USP1: variants seen among roughly 807,000 people sequenced by gnomAD.
USP1 encodes the protein ubiquitin specific peptidase 1.
Under a neutral mutation model 72.2 loss-of-function variants are expected in USP1, and 18 were observed. That is an observed-to-expected ratio of 0.25 (90% CI 0.17 to 0.37). The LOEUF is 0.37. Among genes scored for constraint, USP1 ranks in the 10% least tolerant of loss-of-function variants. The pLI is 1.00. For missense variants in USP1, 759 were observed against 884.9 expected, an observed-to-expected ratio of 0.86 and a Z score of 1.81; for synonymous variants, 354 against 303.7, an observed-to-expected ratio of 1.17 and a Z score of -1.72.
At position 62,439,835 on chromosome 1, in the gene USP1, A is replaced by T; in HGVS notation, c.-33A>T. On this transcript the variant is annotated 5_prime_UTR_variant, in exon 2 of 9. Transcript: ENST00000339950. ...GATTACAACTTTCCTCTATAAATTAACTCTTGACACTCCTTGGGATTTGAA... is the reference window on the plus strand; with the variant it reads ...GATTACAACTTTCCTCTATAAATTATCTCTTGACACTCCTTGGGATTTGAA... The T allele has an allele frequency of 7.4e-7, 1 of 1,353,048 alleles. No homozygotes were observed. Among genetic ancestry groups the T allele is most frequent in the South Asian group, 2.3e-5 (1 of 42,826 alleles). The allele number at this position is 1,353,048 out of a possible 1,614,324, so 83.8% of individuals were successfully genotyped here. A position where few individuals can be genotyped will look rare whatever the true frequency, so the allele number is the denominator to read the frequency against.
At chr1:62,448,799 TTTG>T (rs1234129704) in intron 8 of USP1, 133 bp downstream of exon 8, 1 of 897,332 alleles carries the variant, frequency 1.1e-6, no homozygotes, top group East Asian at 2.6e-5. Flanking sequence ...TCAGTAAAGT[TTTG>T]TTCTTATTAA....
At chr1:62,442,826 G>A (rs1238509831) in intron 4 of USP1, among the ~76,000 whole-genome samples, 1 of 151,890 alleles carries the variant, frequency 6.6e-6, no homozygotes, top group Non-Finnish European at 1.5e-5. Context: ...AACATGGCAA[G>A]ACCCTGTCTT....
chr1:62,443,971 G>A (rs754886235), intron 5 of USP1, among the ~76,000 whole-genome samples: 40 of 152,020 alleles, frequency 2.6e-4, no homozygotes, highest in African/African-American at 2.9e-4. Flanking sequence ...TTAGTTAAGA[G>A]GTATTGTAGG....
intron 8 of USP1, among the ~76,000 whole-genome samples, chr1:62,449,084 A>G (rs1645195977): frequency 1.3e-5 from 2 of 152,026 alleles, no homozygotes; most frequent in Admixed American, 1.3e-4. Context: ...GGATTTCACC[A>G]TGTTGCCCAG....
At chr1:62,436,830 G>A, upstream of USP1, 1 of 314,320 alleles carries the variant, frequency 3.2e-6, no homozygotes, top group Non-Finnish European at 5.8e-6. Context: ...CTGTGCCTGC[G>A]TTGTTTGAAA....
At chr1:62,443,084 G>T in intron 4 of USP1, 75 bp from the exon 5 acceptor site, 3 of 1,472,044 alleles carry the variant, frequency 2.0e-6, no homozygotes, top group Admixed American at 4.3e-5. Flanking sequence ...GTATTCTTAA[G>T]TGAGACAAAG....
intron 2 of USP1, among the ~76,000 whole-genome samples, chr1:62,441,245 A>G (rs772556130): frequency 2.6e-5 from 4 of 152,236 alleles, no homozygotes; most frequent in African/African-American, 9.6e-5. Flanking sequence ...TAGGATTAAC[A>G]TCCTTTTAAG....
chr1:62,442,566 T>A (rs1486606265), intron 4 of USP1, among the ~76,000 whole-genome samples: 1 of 152,236 alleles, frequency 6.6e-6, no homozygotes, highest in Non-Finnish European at 1.5e-5. Context: ...CAATATGTTA[T>A]ACCCATGTAC....
Position 62,437,084 on chromosome 1 carries a change from T to C in USP1, c.-386T>C, listed in dbSNP as rs1268359085. ...CAAGTTCCCCTCGGTGGCGGAGTGC[T>C]AAAGACCCTAGCGGTTCAGGCGTTC... On this transcript the variant is annotated 5_prime_UTR_variant, in exon 1 of 9. Transcript: ENST00000339950. 1.5e-5 allele frequency: 6 copies of C among 398,790 alleles called. No homozygotes were observed. Among genetic ancestry groups the C allele is most frequent in the Non-Finnish European group, 2.2e-5 (5 of 225,990 alleles). The allele number at this position is 398,790 out of a possible 1,614,324, so 24.7% of individuals were successfully genotyped here. A position where few individuals can be genotyped will look rare whatever the true frequency, so the allele number is the denominator to read the frequency against.
At chr1:62,445,522 T>G in intron 6 of USP1, 93 bp downstream of exon 6, 37 of 1,177,892 alleles carry the variant, frequency 3.1e-5, no homozygotes, top group Non-Finnish European at 4.1e-5. Flanking sequence ...ATATAATCTC[T>G]GGCTAAAATT....
rs1390736752 is a variant in USP1, at chr1:62,451,271, T to C, written c.*290T>C. 4.3e-6 allele frequency: 1 copy of C among 232,856 alleles called. No individual in the cohort carries two copies. The highest frequency in any genetic ancestry group is 8.2e-6 in the Non-Finnish European group (1 of 122,258). The allele number at this position is 232,856 out of a possible 1,614,324, so 14.4% of individuals were successfully genotyped here. Reference sequence around the variant, plus strand: ...ATTTAAACACTTGGATTTACACCAGTCTTTTGTGTTTGCTTTTTAAAATAA... The same window carrying C: ...ATTTAAACACTTGGATTTACACCAGCCTTTTGTGTTTGCTTTTTAAAATAA... On this transcript the variant is annotated 3_prime_UTR_variant, in exon 9 of 9. Transcript: ENST00000339950.
At position 62,445,349 on chromosome 1, in the gene USP1, C is replaced by G; in HGVS notation, c.1169C>G (p.Thr390Arg). The G allele has an allele frequency of 4.3e-6, 7 of 1,611,496 alleles. No individual in the cohort carries two copies. The highest frequency in any genetic ancestry group is 5.9e-6 in the Non-Finnish European group (7 of 1,179,294). Residue 390 changes from threonine (T) to arginine (R), a missense_variant, in exon 6 of 9, where the codon ACA becomes AGA. By Grantham distance (71) the Thr-to-Arg change is moderately conservative. Transcript: ENST00000339950. ...EDLGKCESDN[T>R]TNGCGLESPG... is the part of the protein sequence containing the mutation. ...TTGGGGAAGTGTGAAAGTGATAACA[C>G]AACTAATGGTTGTGGACTTGAATCT...
At chr1:62,450,206 A>G in intron 8 of USP1, 40 bp from the exon 9 acceptor site, 1 of 1,562,896 alleles carries the variant, frequency 6.4e-7, no homozygotes, top group East Asian at 2.3e-5. Context: ...TGAATTTAAA[A>G]TAGAACTGCA....
intron 8 of USP1, among the ~76,000 whole-genome samples, chr1:62,449,058 ATT>A (rs1422926922): frequency 6.6e-6 from 1 of 151,860 alleles, no homozygotes; most frequent in Non-Finnish European, 1.5e-5. Flanking sequence ...AATTTTTTGT[ATT>A]TTTAGTAGAG....
Position 62,448,664 on chromosome 1 carries a change from GGAGT to G in USP1, c.1621_1622+2del. The G allele has an allele frequency of 6.2e-7, 1 of 1,612,214 alleles. No homozygotes were observed. Among genetic ancestry groups the G allele is most frequent in the Non-Finnish European group, 8.5e-7 (1 of 1,179,776 alleles). On this transcript the variant is annotated splice_donor_variant and coding_sequence_variant, in exon 8 of 9. Coordinates refer to ENST00000339950, the MANE Select transcript of USP1 (RefSeq NM_003368.5). LOFTEE classifies it high-confidence loss of function. ...TGAAGTGCTTTGCTGCTAGTGGTTT[GGAGT>G]AAGTATTGTAAATAAGAACTATATG...
At chr1:62,446,120 G>A (rs1645171294) in intron 6 of USP1, among the ~76,000 whole-genome samples, 6 of 152,266 alleles carry the variant, frequency 3.9e-5, no homozygotes, top group Middle Eastern at 6.8e-3. Context: ...TAAAGACTAA[G>A]TACAGTCATG....
At position 62,444,822 on chromosome 1, in the gene USP1, A is replaced by G. The variant is rs1399063167; in HGVS notation, c.642A>G (p.Thr214=). The change falls in exon 6 of 9, where the codon ACA becomes ACG. Residue 214 remains threonine (T), a synonymous_variant. Coordinates refer to ENST00000339950, the MANE Select transcript of USP1 (RefSeq NM_003368.5). ...GTATTTTGGGAAACATTCAAGAAAC[A>G]TGCCAACTCCTAAAAAAAGAAGAAG... ...LQCILGNIQE[T]CQLLKKEEVK... The G allele has an allele frequency of 6.2e-7, 1 of 1,613,540 alleles. No individual in the cohort carries two copies. The highest frequency in any genetic ancestry group is 8.5e-7 in the Non-Finnish European group (1 of 1,179,758).
chr1:62,437,243 G>C lies in USP1; in HGVS notation c.-227G>C, dbSNP rs946984110. On this transcript the variant is annotated 5_prime_UTR_variant, in exon 1 of 9. Coordinates refer to ENST00000339950, the MANE Select transcript of USP1 (RefSeq NM_003368.5). ...GGTCGGGGTTCCCGCTCTTGGGAGC[G>C]GATGGTCACTCCCCCGCGGGGAGGG... is the stretch of plus-strand genomic sequence containing the variant. 1.0e-5 allele frequency: 4 copies of C among 398,296 alleles called. No individual in the cohort carries two copies. Among genetic ancestry groups the C allele is most frequent in the Non-Finnish European group, 1.8e-5 (4 of 226,006 alleles). The allele number at this position is 398,296 out of a possible 1,614,324, so 24.7% of individuals were successfully genotyped here.
chr1:62,447,556 T>C, intron 7 of USP1, 45 bp downstream of exon 7: 2 of 1,565,484 alleles, frequency 1.3e-6, no homozygotes, highest in Non-Finnish European at 8.6e-7. Flanking sequence ...GGAATATTTA[T>C]AATTCTTTAA....
Sources: allele counts gnomAD v4.1 joint callset (sites outside exome capture counted in the v4.1 genomes callset), GRCh38; gene constraint gnomAD v4.1.1; transcripts MANE v1.5; gene names NCBI Gene and HGNC (gene_info 2026-07-23, HGNC 2026-07-21).